CAMK1D: variants seen among roughly 807,000 people sequenced by gnomAD.
CAMK1D encodes the protein calcium/calmodulin-dependent protein kinase type 1D.
CAMK1D carries 9 observed loss-of-function variants against 47.7 expected under a neutral mutation model. That is an observed-to-expected ratio of 0.19 (90% CI 0.11 to 0.33). The LOEUF is 0.33. Among genes scored for constraint, CAMK1D ranks in the 10% least tolerant of loss-of-function variants. The pLI is 1.00. For missense variants in CAMK1D, 291 were observed against 488.7 expected (o/e 0.60, Z 3.81); for synonymous variants, 184 against 184.9 (o/e 0.99, Z 0.04).
chr10:12,588,864 A>G lies in CAMK1D; in HGVS notation c.224+35508A>G, dbSNP rs866494686. Among the ~76,000 whole-genome samples, 427 of 104,886 alleles carry G rather than the reference A, an allele frequency of 4.1e-3. 2 individuals are homozygous for G. Among genetic ancestry groups the G allele is most frequent in the African/African-American group, 0.013 (365 of 27,816 alleles). 68.8% of individuals were successfully genotyped at this position (104,886 alleles called of 152,430 possible). On this transcript the variant is annotated intron_variant, in intron 2 of 10. Coordinates refer to ENST00000619168, the MANE Select transcript of CAMK1D (RefSeq NM_153498.4). ...CTTGTATATATACATGTATATGTATATATGTGTGTGTGTGTGTGTGCGTGC... is the reference window on the plus strand; with the variant it reads ...CTTGTATATATACATGTATATGTATGTATGTGTGTGTGTGTGTGTGCGTGC...
At chr10:12,708,786 TTGGTTATTAAATA>T (rs1833824071) in intron 3 of CAMK1D, among the ~76,000 whole-genome samples, 2 of 152,222 alleles carry the variant, frequency 1.3e-5, no homozygotes, top group South Asian at 4.1e-4. Context: ...TACGATATTA[TTGGTTATTAAATA>T]TGGATGACTT....
At chr10:12,548,385 C>G (rs1275965345) in intron 1 of CAMK1D, among the ~76,000 whole-genome samples, 2 of 145,080 alleles carry the variant, frequency 1.4e-5, no homozygotes, top group African/African-American at 5.1e-5. Context: ...AGTAAGCAGA[C>G]TTTTTATGTT....
rs116508466 is a variant in CAMK1D, at chr10:12,450,460, T to C, written c.92+100550T>C. ...CTTGTTCTTAAAGAAGGATCGAAGC[T>C]TTAGAGACATAAACGTGGCTCTCTA... On this transcript the variant is annotated intron_variant, in intron 1 of 10. Transcript: ENST00000619168. Among the ~76,000 whole-genome samples, 927 of 152,306 alleles carry C rather than the reference T, an allele frequency of 6.1e-3. 10 individuals are homozygous for C. The highest frequency in any genetic ancestry group is 0.021 in the African/African-American group (882 of 41,564).
At chr10:12,529,302 G>A (rs531835133) in intron 1 of CAMK1D, among the ~76,000 whole-genome samples, 1 of 152,280 alleles carries the variant, frequency 6.6e-6, no homozygotes, top group South Asian at 2.1e-4. Flanking sequence ...TGGACCACCT[G>A]CCCAACCAGG....
At chr10:12,404,898 G>C (rs1892304) in intron 1 of CAMK1D, among the ~76,000 whole-genome samples, 1 of 151,656 alleles carries the variant, frequency 6.6e-6, no homozygotes, top group African/African-American at 2.4e-5. Flanking sequence ...CATGTTGGTC[G>C]GGCTGGTCTT....
intron 1 of CAMK1D, among the ~76,000 whole-genome samples, chr10:12,458,714 T>C (rs1366375088): frequency 1.3e-5 from 2 of 152,158 alleles, no homozygotes; most frequent in African/African-American, 4.8e-5. Flanking sequence ...ATTACAGGTG[T>C]GAGTCACTGC....
intron 5 of CAMK1D, 50 bp downstream of exon 5, chr10:12,769,849 C>T (rs1564548611): frequency 1.9e-6 from 3 of 1,602,990 alleles, no homozygotes; most frequent in East Asian, 4.5e-5. Flanking sequence ...GTGATGTCCT[C>T]ATGTGTGGTG....
chr10:12,740,367 G>A (rs1454507511), intron 3 of CAMK1D, among the ~76,000 whole-genome samples: 2 of 152,216 alleles, frequency 1.3e-5, no homozygotes, highest in Non-Finnish European at 2.9e-5. Flanking sequence ...GGGAGGTGGA[G>A]GCAGGCGAAT....
At chr10:12,517,829 T>C (rs1835257280) in intron 1 of CAMK1D, among the ~76,000 whole-genome samples, 1 of 152,190 alleles carries the variant, frequency 6.6e-6, no homozygotes, top group South Asian at 2.1e-4. Context: ...GGTACTATTT[T>C]ATATTCCTAC....
chr10:12,397,024 A>G (rs1000547095), intron 1 of CAMK1D, among the ~76,000 whole-genome samples: 4 of 152,188 alleles, frequency 2.6e-5, no homozygotes, highest in African/African-American at 9.7e-5. Context: ...CTCCGCAGCC[A>G]TTGGTAATCT....
At chr10:12,802,347 C>T (rs1036066059) in intron 6 of CAMK1D, among the ~76,000 whole-genome samples, 5 of 152,096 alleles carry the variant, frequency 3.3e-5, no homozygotes, top group African/African-American at 7.2e-5. Context: ...AAGGCTTCTC[C>T]GTCCTGTTGG....
intron 2 of CAMK1D, among the ~76,000 whole-genome samples, chr10:12,648,127 A>G (rs1469242450): frequency 1.3e-5 from 2 of 152,196 alleles, no homozygotes; most frequent in Admixed American, 6.5e-5. Context: ...ATAACTTTAT[A>G]AAAAAGCTAT....
chr10:12,816,423 A>G lies in CAMK1D; in HGVS notation c.833+95A>G. ...TTGGCCGTTGTCATTTATGAAATCC[A>G]CACAGGATTATTACAAATTTCATCT... On this transcript the variant is annotated intron_variant, in intron 8 of 10. Transcript: ENST00000619168. 3 of 959,080 alleles carry G rather than the reference A, an allele frequency of 3.1e-6. No individual in the cohort carries two copies. The South Asian group carries it at 4.6e-5, about 15-fold the overall frequency. The allele number at this position is 959,080 out of a possible 1,614,324, so 59.4% of individuals were successfully genotyped here. A position where few individuals can be genotyped will look rare whatever the true frequency, so the allele number is the denominator to read the frequency against.
At chr10:12,770,319 C>G (rs920093574) in intron 5 of CAMK1D, among the ~76,000 whole-genome samples, 2 of 152,198 alleles carry the variant, frequency 1.3e-5, no homozygotes, top group African/African-American at 4.8e-5. Flanking sequence ...ATCACAACCC[C>G]CAATTCTTTG....
At chr10:12,364,030 G>A (rs1323353079) in intron 1 of CAMK1D, among the ~76,000 whole-genome samples, 1 of 152,018 alleles carries the variant, frequency 6.6e-6, no homozygotes, top group Non-Finnish European at 1.5e-5. Flanking sequence ...CCGCCATACT[G>A]TTTTCCACAG....
intron 1 of CAMK1D, among the ~76,000 whole-genome samples, chr10:12,427,726 G>C (rs201461274): frequency 1.8e-4 from 1 of 5,480 alleles, no homozygotes; most frequent in African/African-American, 5.6e-4. Flanking sequence ...TTTTTTTTTT[G>C]AGACGGAGTC....
intron 10 of CAMK1D, among the ~76,000 whole-genome samples, chr10:12,827,649 T>TCC (rs1833304548): frequency 1.4e-4 from 1 of 6,942 alleles, no homozygotes; most frequent in South Asian, 9.6e-3. Flanking sequence ...CTCTCCCCTC[T>TCC]CCTCTCTCCT....
At chr10:12,389,374 T>C (rs919560072) in intron 1 of CAMK1D, among the ~76,000 whole-genome samples, 4 of 152,156 alleles carry the variant, frequency 2.6e-5, no homozygotes, top group Non-Finnish European at 5.9e-5. Flanking sequence ...ATCCCGACAC[T>C]GCTCTCCTTG....
intron 6 of CAMK1D, among the ~76,000 whole-genome samples, chr10:12,800,212 G>A (rs567212471): frequency 4.6e-5 from 7 of 152,302 alleles, no homozygotes; most frequent in East Asian, 3.9e-4. Context: ...ATTGGATTAC[G>A]TTTTTATAAC....
Sources: gnomAD v4.1 joint callset for allele counts (sites outside exome capture counted in the v4.1 genomes callset) on GRCh38, gnomAD v4.1.1 for gene constraint, MANE v1.5 for transcripts, NCBI Gene and HGNC (gene_info 2026-07-23, HGNC 2026-07-21) for gene names.